The following LAMC1 variants were observed in gnomAD, a reference collection of about 807,000 sequenced individuals.
LAMC1 encodes laminin subunit gamma-1.
LAMC1 carries 38 observed loss-of-function variants against 173.6 expected under a neutral mutation model. That is an observed-to-expected ratio of 0.22 (90% CI 0.17 to 0.29). The LOEUF (loss-of-function observed/expected upper bound fraction) is 0.29, where lower values mean the gene tolerates loss of function less well. Among genes scored for constraint, LAMC1 ranks in the 10% least tolerant of loss-of-function variants. The pLI, the probability that LAMC1 is intolerant of heterozygous loss-of-function variation, is 1.00. For synonymous variants in LAMC1, 746 were observed against 749.1 expected (o/e 1.00, Z 0.07); for missense variants, 1,824 against 2,051.8 (o/e 0.89, Z 2.14).
intron 1 of LAMC1, among the ~76,000 whole-genome samples, chr1:183,086,263 T>G (rs2151669): frequency 0.5 from 76,215 of 152,010 alleles, 19,734 homozygotes; most frequent in South Asian, 0.64. Context: ...ATTATAATCC[T>G]CCTACATGCA....
At chr1:183,121,092 G>A (rs991962549) in intron 11 of LAMC1, among the ~76,000 whole-genome samples, 4 of 152,056 alleles carry the variant, frequency 2.6e-5, no homozygotes, top group Admixed American at 2.0e-4. Flanking sequence ...GTAAAATTCA[G>A]CAAATCTAGG....
chr1:183,038,126 C>A (rs7415796), intron 1 of LAMC1, among the ~76,000 whole-genome samples: 9 of 151,082 alleles, frequency 6.0e-5, no homozygotes, highest in Non-Finnish European at 1.0e-4. Context: ...ACCTCCGCCT[C>A]CCAGGTTCAA....
At chr1:183,028,747 C>A (rs868122736) in intron 1 of LAMC1, among the ~76,000 whole-genome samples, 1 of 152,204 alleles carries the variant, frequency 6.6e-6, no homozygotes, top group Non-Finnish European at 1.5e-5. Flanking sequence ...CTGCATACTT[C>A]TTTTTATTTA....
intron 1 of LAMC1, among the ~76,000 whole-genome samples, chr1:183,042,393 T>A (rs554152785): frequency 5.0e-4 from 76 of 152,268 alleles, no homozygotes; most frequent in African/African-American, 1.7e-3. Context: ...AGAGAGAGCT[T>A]AGTCACTTGG....
chr1:183,032,176 A>G (rs957524953), intron 1 of LAMC1, among the ~76,000 whole-genome samples: 2 of 152,214 alleles, frequency 1.3e-5, no homozygotes, highest in African/African-American at 2.4e-5. Context: ...AGCCCGAAAT[A>G]CGTGGGCCCA....
intron 14 of LAMC1, 67 bp from the exon 15 acceptor site, chr1:183,125,330 T>G: frequency 5.9e-6 from 9 of 1,526,590 alleles, no homozygotes; most frequent in Non-Finnish European, 6.4e-6. Context: ...TCTCTTTAGG[T>G]TGTTTATATT....
chr1:183,044,957 T>C (rs1654229969), intron 1 of LAMC1, among the ~76,000 whole-genome samples: 1 of 151,716 alleles, frequency 6.6e-6, no homozygotes, highest in Non-Finnish European at 1.5e-5. Context: ...ACTAAAGCCT[T>C]CTTCTTGTCA....
chr1:183,050,891 CAAA>C (rs779377179), intron 1 of LAMC1, among the ~76,000 whole-genome samples: 4 of 54,724 alleles, frequency 7.3e-5, no homozygotes, highest in Admixed American at 1.8e-4. Flanking sequence ...AACTCCATCT[CAAA>C]AAAAAAAAAA....
In LAMC1 at chr1:183,142,772, G is replaced by A. The variant is rs184867626; in HGVS notation, c.4812G>A (p.Pro1604=). Residue 1604 remains proline (P), a synonymous_variant, in exon 28 of 28, where the codon CCG becomes CCA. Transcript: ENST00000258341. Reference sequence around the variant, plus strand: ...TACCATCTGGCTGCTTCAACACCCCGTCCATTGAAAAGCCCTAGTGTCTTT... The same window carrying A: ...TACCATCTGGCTGCTTCAACACCCCATCCATTGAAAAGCCCTAGTGTCTTT... ...KTLPSGCFNT[P]SIEKP 4.7e-5 allele frequency: 75 copies of A among 1,612,304 alleles called. No individual in the cohort carries two copies. Among genetic ancestry groups the A allele is most frequent in the African/African-American group, 2.1e-4 (16 of 74,974 alleles).
At chr1:183,115,289 A>G (rs750644276) in intron 5 of LAMC1, among the ~76,000 whole-genome samples, 21 of 152,222 alleles carry the variant, frequency 1.4e-4, no homozygotes, top group Non-Finnish European at 2.6e-4. Context: ...ATTGATGAGT[A>G]AATTCATCTT....
At chr1:183,094,660 C>A (rs1170761251) in intron 1 of LAMC1, among the ~76,000 whole-genome samples, 1 of 152,100 alleles carries the variant, frequency 6.6e-6, no homozygotes, top group African/African-American at 2.4e-5. Flanking sequence ...AATTAATAAG[C>A]AATTGTGAAA....
chr1:183,115,587 A>T lies in LAMC1; in HGVS notation c.1278A>T (p.Lys426Asn). ...GTAAGCCAGGAGTGATGGGGGACAA[A>T]TGTGACCGTTGCCAGCCTGGATTCC... ...CSCKPGVMGD[K>N]CDRCQPGFHS... Residue 426 changes from lysine (K) to asparagine (N), a missense_variant, in exon 6 of 28, where the codon AAA (lysine) becomes AAT (asparagine). Coordinates refer to ENST00000258341, the MANE Select transcript of LAMC1 (RefSeq NM_002293.4). 1 of 1,614,146 alleles carries T rather than the reference A, an allele frequency of 6.2e-7. No homozygotes were observed. The highest frequency in any genetic ancestry group is 8.5e-7 in the Non-Finnish European group (1 of 1,180,004).
At chr1:183,098,910 A>G (rs1655760905) in intron 1 of LAMC1, among the ~76,000 whole-genome samples, 1 of 152,162 alleles carries the variant, frequency 6.6e-6, no homozygotes, top group Admixed American at 6.5e-5. Context: ...CTCAAATACA[A>G]CAGCATTTAA....
In LAMC1 at chr1:183,023,887, C is replaced by T. The variant is rs926234986; in HGVS notation, c.171C>T (p.Ala57=). 4 of 1,612,550 alleles carry T rather than the reference C, an allele frequency of 2.5e-6. No homozygotes were observed. The African/African-American group carries it at 5.3e-5, about 22-fold the overall frequency. Residue 57 remains alanine (A), a synonymous_variant, in exon 1 of 28, where the codon GCC becomes GCT. Transcript: ENST00000258341. ...GCTGCATGCCCGAGTTCGTCAACGC[C>T]GCCTTCAACGTGACTGTGGTGGCCA... The part of the protein sequence containing the change: ...PQRCMPEFVN[A]AFNVTVVATN...
chr1:183,051,094 C>A (rs183846837), intron 1 of LAMC1, among the ~76,000 whole-genome samples: 46 of 152,196 alleles, frequency 3.0e-4, no homozygotes, highest in Non-Finnish European at 4.6e-4. Context: ...TAAGTCACAG[C>A]TGTCTAGGAT....
At chr1:183,138,880 G>A (rs537571623) in intron 26 of LAMC1, among the ~76,000 whole-genome samples, 2 of 151,852 alleles carry the variant, frequency 1.3e-5, no homozygotes, top group East Asian at 1.9e-4. Context: ...ATGGTGAAAC[G>A]CTATCTCTAC....
chr1:183,134,728 T>C lies in LAMC1; in HGVS notation c.3918T>C (p.Asp1306=). The change falls in exon 23 of 28, where the codon GAT becomes GAC. Residue 1306 remains aspartate, a synonymous_variant. Coordinates refer to ENST00000258341, the MANE Select transcript of LAMC1 (RefSeq NM_002293.4). ...AACTGATTGACCAGAAATTAAAAGA[T>C]TATGAGGACCTCAGAGAAGATATGA... The part of the protein sequence containing the change: ...LEQLIDQKLK[D]YEDLREDMRG... The C allele has an allele frequency of 6.2e-7, 1 of 1,613,220 alleles. No homozygotes were observed. Among genetic ancestry groups the C allele is most frequent in the Non-Finnish European group, 8.5e-7 (1 of 1,179,256 alleles).
intron 1 of LAMC1, among the ~76,000 whole-genome samples, chr1:183,065,971 A>G (rs1654863800): frequency 6.6e-6 from 1 of 152,238 alleles, no homozygotes; most frequent in South Asian, 2.1e-4. Context: ...TACTTTAATA[A>G]GCGAGAGAAT....
intron 1 of LAMC1, among the ~76,000 whole-genome samples, chr1:183,056,372 G>A (rs180807695): frequency 4.3e-4 from 65 of 152,210 alleles, no homozygotes; most frequent in Non-Finnish European, 4.4e-5. Context: ...GATACTTGAC[G>A]CTTGCCATAT....
Sources: gnomAD v4.1 joint callset for allele counts (sites outside exome capture counted in the v4.1 genomes callset) on GRCh38, gnomAD v4.1.1 for gene constraint, MANE v1.5 for transcripts, NCBI Gene and HGNC (gene_info 2026-07-23, HGNC 2026-07-21) for gene names.